SLC25A48: variants seen among roughly 807,000 people sequenced by gnomAD.
SLC25A48 encodes the protein solute carrier family 25 member 48.
In SLC25A48, 29 loss-of-function variants were observed where a neutral mutation model predicts 32.2. The observed-to-expected ratio is 0.90, with a 90% CI of 0.67 to 1.23. The LOEUF is 1.23. SLC25A48 is among the 50% of genes most tolerant of loss of function. SLC25A48 has a pLI of 0.00. For synonymous variants in SLC25A48, 164 were observed against 172.3 expected (o/e 0.95, Z 0.38); for missense variants, 399 against 422.7 (o/e 0.94, Z 0.49).
chr5:135,647,892 C>T (rs538893211), intron 3 of SLC25A48, among the ~76,000 whole-genome samples: 8 of 152,030 alleles, frequency 5.3e-5, no homozygotes, highest in Admixed American at 1.3e-4. Context: ...TCCACCACTG[C>T]GCTTTAGAAG....
At chr5:135,723,754 T>G (rs1755026625) in intron 3 of SLC25A48, among the ~76,000 whole-genome samples, 1 of 152,218 alleles carries the variant, frequency 6.6e-6, no homozygotes, top group Non-Finnish European at 1.5e-5. Flanking sequence ...CCCTGCAGTC[T>G]TCATAGGCAT....
At chr5:135,582,952 G>A (rs1029839230) in intron 1 of SLC25A48, among the ~76,000 whole-genome samples, 1 of 152,146 alleles carries the variant, frequency 6.6e-6, no homozygotes, top group Non-Finnish European at 1.5e-5. Flanking sequence ...ACCTCAAATT[G>A]TACATTTTCA....
At chr5:135,608,645 G>A (rs1039090602) in intron 1 of SLC25A48, among the ~76,000 whole-genome samples, 3 of 152,210 alleles carry the variant, frequency 2.0e-5, no homozygotes, top group Non-Finnish European at 4.4e-5. Flanking sequence ...GCCTGGAGGT[G>A]CAGTAACTTG....
At chr5:135,610,470 G>T (rs1364497493) in intron 1 of SLC25A48, among the ~76,000 whole-genome samples, 1 of 152,066 alleles carries the variant, frequency 6.6e-6, no homozygotes, top group African/African-American at 2.4e-5. Context: ...ATATTTACTT[G>T]CCCTGATAGG....
chr5:135,635,646 A>G (rs1338071026), intron 3 of SLC25A48, among the ~76,000 whole-genome samples: 3 of 152,212 alleles, frequency 2.0e-5, no homozygotes, highest in Non-Finnish European at 4.4e-5. Flanking sequence ...AGAAAGTAAA[A>G]CAGTCTTGAT....
At chr5:135,618,014 GA>G (rs1253520464) in intron 1 of SLC25A48, among the ~76,000 whole-genome samples, 2 of 151,748 alleles carry the variant, frequency 1.3e-5, no homozygotes, top group Admixed American at 6.6e-5. Context: ...CTTAGAGTGG[GA>G]TTTGTCGCCC....
At chr5:135,671,608 C>T (rs1054263382) in intron 3 of SLC25A48, 3 of 152,162 alleles carry the variant, frequency 2.0e-5, no homozygotes, top group Non-Finnish European at 4.4e-5. Context: ...GAGCCCCGCC[C>T]CATTAACATT....
intron 3 of SLC25A48, among the ~76,000 whole-genome samples, chr5:135,677,314 A>G (rs574275122): frequency 6.6e-6 from 1 of 152,194 alleles, no homozygotes; most frequent in South Asian, 2.1e-4. Context: ...CTTTTGGTCT[A>G]TATGTGACTG....
intron 3 of SLC25A48, among the ~76,000 whole-genome samples, chr5:135,747,527 C>T (rs565056319): frequency 7.2e-5 from 11 of 152,260 alleles, no homozygotes; most frequent in African/African-American, 2.6e-4. Flanking sequence ...GTCATCCCTT[C>T]TCACTGCTGC....
At chr5:135,837,671 T>C (rs1393582178) in intron 1 of SLC25A48, among the ~76,000 whole-genome samples, 1 of 152,000 alleles carries the variant, frequency 6.6e-6, no homozygotes, top group Non-Finnish European at 1.5e-5. Flanking sequence ...ATCCAATGGC[T>C]TTATAAAGGG....
At position 135,852,574 on chromosome 5, in the gene SLC25A48, C is replaced by A. The variant is rs754451869; in HGVS notation, c.174C>A (p.Phe58Leu). 1 of 1,595,804 alleles carries A rather than the reference C, an allele frequency of 6.3e-7. No homozygotes were observed. Among genetic ancestry groups the A allele is most frequent in the Non-Finnish European group, 8.6e-7 (1 of 1,164,992 alleles). The change falls in exon 4 of 8, where the codon TTC (phenylalanine) becomes TTA (leucine). Residue 58 changes from phenylalanine to leucine, a missense_variant. Physicochemically the swap from Phe to Leu is conservative, Grantham distance 22. Transcript: ENST00000681962. ...VVYRRESMFG[F>L]FKGMSFPLAS... is the part of the protein sequence containing the mutation. ...GGTTTTCACTGCAGATGTTCGGCTT[C>A]TTCAAGGGCATGTCCTTCCCCCTCG...
chr5:135,766,172 G>C (rs563973687), intron 3 of SLC25A48, among the ~76,000 whole-genome samples: 1 of 150,782 alleles, frequency 6.6e-6, no homozygotes. Context: ...TCCCAATAAC[G>C]CGGTTGGTGT....
At chr5:135,864,498 GAA>G (rs1761043883) in intron 4 of SLC25A48, among the ~76,000 whole-genome samples, 1 of 152,172 alleles carries the variant, frequency 6.6e-6, no homozygotes, top group Non-Finnish European at 1.5e-5. Context: ...CTTGGAGCAT[GAA>G]AAGGGACCCA....
chr5:135,707,701 C>A (rs1445122121), intron 3 of SLC25A48, among the ~76,000 whole-genome samples: 1 of 152,204 alleles, frequency 6.6e-6, no homozygotes, highest in Non-Finnish European at 1.5e-5. Context: ...AGAAGCAGCC[C>A]CTCCTTTCCT....
At chr5:135,832,899 C>A (rs1214372421), upstream of SLC25A48, among the ~76,000 whole-genome samples, 3 of 152,134 alleles carry the variant, frequency 2.0e-5, no homozygotes, top group Admixed American at 2.0e-4. Context: ...TGTGGAGTTT[C>A]TTTCTCTCTG....
At chr5:135,710,625 G>T (rs1754630062) in intron 3 of SLC25A48, among the ~76,000 whole-genome samples, 1 of 152,210 alleles carries the variant, frequency 6.6e-6, no homozygotes, top group African/African-American at 2.4e-5. Context: ...GCATATTAAT[G>T]AATGCATTGC....
chr5:135,734,396 G>A (rs919567596), intron 3 of SLC25A48, among the ~76,000 whole-genome samples: 7 of 152,252 alleles, frequency 4.6e-5, no homozygotes, highest in Non-Finnish European at 8.8e-5. Context: ...AAAGAATGTT[G>A]TCCAAGTTGG....
intron 3 of SLC25A48, among the ~76,000 whole-genome samples, chr5:135,752,701 A>G (rs1580842158): frequency 2.0e-5 from 3 of 152,288 alleles, no homozygotes; most frequent in Admixed American, 2.0e-4. Context: ...TGATTTCAGG[A>G]GTAATATCTC....
chr5:135,861,739 T>C (rs1311113237), intron 4 of SLC25A48, among the ~76,000 whole-genome samples: 6 of 152,232 alleles, frequency 3.9e-5, no homozygotes, highest in Non-Finnish European at 8.8e-5. Context: ...ATGTGTGGGC[T>C]CTTTGATTCA....
Sources: allele counts gnomAD v4.1 joint callset (sites outside exome capture counted in the v4.1 genomes callset), GRCh38; gene constraint gnomAD v4.1.1; transcripts MANE v1.5; gene names NCBI Gene and HGNC (gene_info 2026-07-23, HGNC 2026-07-21).